MTMR7: variants seen among roughly 807,000 people sequenced by gnomAD.
MTMR7 encodes the protein myotubularin related protein 7.
Under a neutral mutation model 81.2 loss-of-function variants are expected in MTMR7, and 76 were observed. The ratio of observed to expected loss-of-function variants is 0.94; its 90% CI spans 0.78 to 1.13. MTMR7 has a LOEUF of 1.13. MTMR7 is among the 50% of genes most tolerant of loss of function. MTMR7 has a pLI of 0.00. For missense variants in MTMR7, 1,044 were observed against 820.0 expected (o/e 1.27, Z -3.34); for synonymous variants, 372 against 289.8 (o/e 1.28, Z -2.88).
chr8:17,308,268 C>A (rs1817592741), intron 10 of MTMR7, among the ~76,000 whole-genome samples: 1 of 152,082 alleles, frequency 6.6e-6, no homozygotes, highest in South Asian at 2.1e-4. Context: ...TTTCTGTCAT[C>A]TGTCTCCTAT....
At chr8:17,397,180 G>GA (rs34065381) in intron 1 of MTMR7, among the ~76,000 whole-genome samples, 4,759 of 151,878 alleles carry the variant, frequency 0.031, 208 homozygotes, top group East Asian at 0.13. Flanking sequence ...CCTTGTGCTT[G>GA]AAAAAAACAG....
intron 1 of MTMR7, among the ~76,000 whole-genome samples, chr8:17,380,746 G>A (rs1820731881): frequency 6.6e-6 from 1 of 152,042 alleles, no homozygotes; most frequent in African/African-American, 2.4e-5. Flanking sequence ...ATGCCTTTGA[G>A]GTCATTGTAG....
At chr8:17,310,975 T>C (rs1426398343) in intron 9 of MTMR7, among the ~76,000 whole-genome samples, 2 of 152,168 alleles carry the variant, frequency 1.3e-5, no homozygotes, top group African/African-American at 4.8e-5. Flanking sequence ...GCTCAAACTC[T>C]ACAGGATATA....
At chr8:17,409,198 C>A (rs1248903375) in intron 1 of MTMR7, among the ~76,000 whole-genome samples, 1 of 152,110 alleles carries the variant, frequency 6.6e-6, no homozygotes. Context: ...GTGGCTCAAA[C>A]CTGCAATCCC....
chr8:17,397,269 T>C lies in MTMR7; in HGVS notation c.24+16000A>G, dbSNP rs534860531. 9.6e-4 allele frequency among the ~76,000 whole-genome samples: 146 copies of C among 152,230 alleles called. 1 individual carries two copies. The highest frequency in any genetic ancestry group is 3.3e-3 in the African/African-American group (139 of 41,542). ...GCGGGATAGAGTATCACGTGGTCCC[T>C]TGGGGTCCCTGATTCCAGGCCAAGG... On this transcript the variant is annotated intron_variant, in intron 1 of 13. Transcript: ENST00000180173.
chr8:17,336,673 G>C (rs1329240823), intron 6 of MTMR7, among the ~76,000 whole-genome samples: 1 of 152,206 alleles, frequency 6.6e-6, no homozygotes, highest in Non-Finnish European at 1.5e-5. Flanking sequence ...TCTGGAGAAG[G>C]AGCAAGGACA....
At chr8:17,349,102 G>C (rs1359922414) in intron 4 of MTMR7, 21 bp from the exon 5 acceptor site, 6 of 1,609,040 alleles carry the variant, frequency 3.7e-6, no homozygotes, top group South Asian at 1.1e-5. Flanking sequence ...AAAATACAAA[G>C]AGATTTTTAG....
intron 1 of MTMR7, among the ~76,000 whole-genome samples, chr8:17,405,386 C>T (rs916265230): frequency 2.0e-5 from 3 of 152,096 alleles, no homozygotes; most frequent in East Asian, 1.9e-4. Flanking sequence ...TGACTCTCCA[C>T]GCTCCCCCTC....
In MTMR7 at chr8:17,311,600, A is replaced by G; in HGVS notation, c.1012T>C (p.Cys338Arg). 8 of 1,614,152 alleles carry G rather than the reference A, an allele frequency of 5.0e-6. No homozygotes were observed. The highest frequency in any genetic ancestry group is 6.8e-6 in the Non-Finnish European group (8 of 1,180,008). ...GCGGTCCTGTCCCAGCCATCAGAAC[A>G]GTGAACAAGCACACTTGCCCCTTCC... Reference protein sequence around the residue: ...SEEGASVLVHCSDGWDRTAQV... With the variant: ...SEEGASVLVHRSDGWDRTAQV... Residue 338 changes from cysteine (C) to arginine (R), a missense_variant, in exon 9 of 14, where the codon TGT becomes CGT. Coordinates refer to ENST00000180173, the MANE Select transcript of MTMR7 (RefSeq NM_004686.5).
chr8:17,323,114 A>G (rs1027037178), intron 7 of MTMR7, among the ~76,000 whole-genome samples: 5 of 151,612 alleles, frequency 3.3e-5, no homozygotes, highest in African/African-American at 1.2e-4. Context: ...CGCCCAGCTA[A>G]TTTTTGTATT....
chr8:17,389,958 G>C lies in MTMR7; in HGVS notation c.25-16718C>G, dbSNP rs779963955. Among the ~76,000 whole-genome samples the C allele has an allele frequency of 2.0e-5, 3 of 151,876 alleles. No individual in the cohort carries two copies. The East Asian group carries it at 5.8e-4, about 30-fold the overall frequency. On this transcript the variant is annotated intron_variant, in intron 1 of 13. Transcript: ENST00000180173. ...TATTGTGCACCTTTACTCTGTACCAGACATAGAGTGTTCTGAGTGCTGGGG... is the reference window on the plus strand; with the variant it reads ...TATTGTGCACCTTTACTCTGTACCACACATAGAGTGTTCTGAGTGCTGGGG...
intron 3 of MTMR7, among the ~76,000 whole-genome samples, chr8:17,361,658 G>C (rs1563358010): frequency 2.0e-5 from 3 of 152,046 alleles, no homozygotes; most frequent in Admixed American, 2.0e-4. Flanking sequence ...TGCCTATCAA[G>C]CTTGGATTTG....
At chr8:17,355,735 A>G (rs200692174) in intron 4 of MTMR7, among the ~76,000 whole-genome samples, 1 of 151,300 alleles carries the variant, frequency 6.6e-6, no homozygotes, top group Non-Finnish European at 1.5e-5. Context: ...ATAAAGAACT[A>G]CAACAAGAAA....
intron 3 of MTMR7, among the ~76,000 whole-genome samples, chr8:17,364,954 C>T (rs1046631167): frequency 6.6e-6 from 1 of 152,174 alleles, no homozygotes. Context: ...TGGAATCATA[C>T]GATAATTCTA....
At chr8:17,322,684 G>A (rs961449784) in intron 7 of MTMR7, among the ~76,000 whole-genome samples, 1 of 152,072 alleles carries the variant, frequency 6.6e-6, no homozygotes, top group Non-Finnish European at 1.5e-5. Context: ...AATTAGCTGG[G>A]TGTGGAGGTG....
At chr8:17,384,188 A>G (rs1282053058) in intron 1 of MTMR7, among the ~76,000 whole-genome samples, 2 of 152,144 alleles carry the variant, frequency 1.3e-5, no homozygotes, top group Non-Finnish European at 2.9e-5. Flanking sequence ...AGGCAGGAAG[A>G]TCACTTGAGG....
intron 7 of MTMR7, among the ~76,000 whole-genome samples, chr8:17,316,562 T>C (rs1818084437): frequency 6.6e-6 from 1 of 151,966 alleles, no homozygotes; most frequent in Non-Finnish European, 1.5e-5. Flanking sequence ...AGTTCCTAAG[T>C]CTTCAGCTCT....
chr8:17,347,671 T>C (rs1038780618), intron 5 of MTMR7, among the ~76,000 whole-genome samples: 3 of 152,114 alleles, frequency 2.0e-5, no homozygotes, highest in African/African-American at 4.8e-5. Context: ...TTAAAGGTGG[T>C]TTTTTGCTAC....
At chr8:17,351,263 G>A (rs1819721131) in intron 4 of MTMR7, among the ~76,000 whole-genome samples, 1 of 152,204 alleles carries the variant, frequency 6.6e-6, no homozygotes, top group African/African-American at 2.4e-5. Context: ...TGCAAGATTT[G>A]TCAACATGCT....
Sources: allele counts gnomAD v4.1 joint callset (sites outside exome capture counted in the v4.1 genomes callset), GRCh38; gene constraint gnomAD v4.1.1; transcripts MANE v1.5; gene names NCBI Gene and HGNC (gene_info 2026-07-23, HGNC 2026-07-21).